The following YES1 variants were observed in gnomAD, a reference collection of about 807,000 sequenced individuals.
YES1 encodes the protein YES proto-oncogene 1, Src family tyrosine kinase.
Under a neutral mutation model 70.4 loss-of-function variants are expected in YES1, and 39 were observed. The observed-to-expected ratio is 0.55, with a 90% CI of 0.43 to 0.72. The LOEUF (loss-of-function observed/expected upper bound fraction) is 0.72, where lower values mean the gene tolerates loss of function less well. Ranked by LOEUF, YES1 falls within the 30% of genes least tolerant of loss-of-function variation. YES1 has a pLI of 0.00. For synonymous variants in YES1, 198 were observed against 218.6 expected (o/e 0.91, Z 0.83); for missense variants, 495 against 644.8 (o/e 0.77, Z 2.52).
intron 1 of YES1, among the ~76,000 whole-genome samples, chr18:766,727 G>GT (rs1568205706): frequency 6.6e-6 from 1 of 151,966 alleles, no homozygotes; most frequent in Non-Finnish European, 1.5e-5. Context: ...CTTTGGTGAC[G>GT]TGACTGTTCA....
intron 1 of YES1, among the ~76,000 whole-genome samples, chr18:781,784 A>C (rs190380725): frequency 3.6e-4 from 55 of 152,214 alleles, no homozygotes; most frequent in African/African-American, 2.6e-4. Flanking sequence ...TGGAGGAATA[A>C]TACCTATCTT....
chr18:780,306 G>A (rs1905594876), intron 1 of YES1, among the ~76,000 whole-genome samples: 1 of 151,944 alleles, frequency 6.6e-6, no homozygotes, highest in Admixed American at 6.6e-5. Context: ...GAGGTGATTG[G>A]ATCATGAGGA....
At chr18:732,429 T>A (rs2080101775) in intron 11 of YES1, among the ~76,000 whole-genome samples, 1 of 117,570 alleles carries the variant, frequency 8.5e-6, no homozygotes, top group African/African-American at 3.5e-5. Context: ...AGAGCAAGAC[T>A]GTGTTTAAAA....
chr18:811,175 C>A (rs943776664), intron 1 of YES1, among the ~76,000 whole-genome samples: 1 of 152,120 alleles, frequency 6.6e-6, no homozygotes, highest in African/African-American at 2.4e-5. Flanking sequence ...AAACACACAC[C>A]CGTGGAACGT....
intron 11 of YES1, among the ~76,000 whole-genome samples, chr18:731,441 G>T (rs1293466949): frequency 1.3e-5 from 2 of 152,120 alleles, no homozygotes; most frequent in Non-Finnish European, 2.9e-5. Flanking sequence ...AAATTTGATG[G>T]CATTAGATCT....
intron 11 of YES1, among the ~76,000 whole-genome samples, chr18:725,504 T>TA (rs1016664808): frequency 4.8e-4 from 73 of 152,182 alleles, no homozygotes; most frequent in African/African-American, 1.7e-3. Flanking sequence ...TTTAAACTAT[T>TA]AAAAAAAACT....
At chr18:744,197 G>T (rs1251299106) in intron 6 of YES1, among the ~76,000 whole-genome samples, 1 of 151,738 alleles carries the variant, frequency 6.6e-6, no homozygotes. Context: ...CTAAGGCCCT[G>T]CAGTTAGTAA....
intron 10 of YES1, among the ~76,000 whole-genome samples, chr18:734,609 T>C (rs1443269838): frequency 6.6e-6 from 1 of 151,452 alleles, no homozygotes; most frequent in Non-Finnish European, 1.5e-5. Flanking sequence ...ACAACATCAC[T>C]AATCATCAGG....
In YES1 at chr18:770,930, G is replaced by A. The variant is rs563911902; in HGVS notation, c.-8-14095C>T. ...GAAGGCTGAGGTGGGAGAACAGCTT[G>A]AGGGCAGTGACTGTTAGGCAGTGAC... On this transcript the variant is annotated intron_variant, in intron 1 of 11. Transcript: ENST00000314574. 1.4e-4 allele frequency among the ~76,000 whole-genome samples: 22 copies of A among 151,890 alleles called. No homozygotes were observed. The South Asian group carries it at 2.3e-3, about 16-fold the overall frequency.
chr18:802,698 C>T (rs956298372), intron 1 of YES1, among the ~76,000 whole-genome samples: 3 of 152,182 alleles, frequency 2.0e-5, no homozygotes, highest in Admixed American at 6.5e-5. Context: ...TTGTAGTCAG[C>T]CCTAGGTTTA....
chr18:745,711 T>C lies in YES1; in HGVS notation c.721A>G (p.Thr241Ala), dbSNP rs530952013. The change falls in exon 6 of 12, where the codon ACA (threonine) becomes GCA (alanine). Residue 241 changes from threonine (T) to alanine (A), a missense_variant. Physicochemically the swap from Thr to Ala is moderately conservative, Grantham distance 58. This residue lies in a region of YES1 where 385 missense variants were observed against 540.9 expected (regional missense o/e 0.71). Transcript: ENST00000314574. Reference protein sequence around the residue: ...DTLQKLVKHYTEHADGLCHKL... With the variant: ...DTLQKLVKHYAEHADGLCHKL... The stretch of plus-strand genomic sequence containing the variant: ...TACCTTTGAAATATTCACATACCTG[T>C]GTAGTGTTTCACCAATTTCTGCAGA... 56 of 1,608,388 alleles carry C rather than the reference T, an allele frequency of 3.5e-5. No individual in the cohort carries two copies. Among genetic ancestry groups the C allele is most frequent in the South Asian group, 2.4e-4 (21 of 89,286 alleles).
At chr18:807,954 T>C (rs1324446020) in intron 1 of YES1, among the ~76,000 whole-genome samples, 3 of 152,186 alleles carry the variant, frequency 2.0e-5, no homozygotes, top group Admixed American at 6.5e-5. Flanking sequence ...CAGCTTACTG[T>C]ACATTTGAAC....
chr18:768,904 T>C lies in YES1; in HGVS notation c.-8-12069A>G, dbSNP rs558279954. Among the ~76,000 whole-genome samples the C allele has an allele frequency of 1.4e-4, 22 of 152,256 alleles. No individual in the cohort carries two copies. In the South Asian group the frequency reaches 2.3e-3, roughly 16 times the overall value. ...TTTTAGTAGAGACAGGGTTTCCCCATGTTGGCTGGGCTGGTCTTGAACTCC... is the reference window on the plus strand; with the variant it reads ...TTTTAGTAGAGACAGGGTTTCCCCACGTTGGCTGGGCTGGTCTTGAACTCC... On this transcript the variant is annotated intron_variant, in intron 1 of 11. Transcript: ENST00000314574.
Position 746,595 on chromosome 18 carries a change from T to C in YES1, c.471-544A>G, listed in dbSNP as rs1046758059. Among the ~76,000 whole-genome samples, 4 of 152,274 alleles carry C rather than the reference T, an allele frequency of 2.6e-5. No homozygotes were observed. In the South Asian group the frequency reaches 6.2e-4, roughly 24 times the overall value. Reference sequence around the variant, plus strand: ...ACAAAACAAAAAGTAAGAAGCACCATAGTAGAACAAAGAGTTATTGAGACA... The same window carrying C: ...ACAAAACAAAAAGTAAGAAGCACCACAGTAGAACAAAGAGTTATTGAGACA... On this transcript the variant is annotated intron_variant, in intron 4 of 11. Transcript: ENST00000314574.
intron 3 of YES1, among the ~76,000 whole-genome samples, chr18:750,781 T>C (rs1382849961): frequency 6.6e-6 from 1 of 152,018 alleles, no homozygotes; most frequent in Non-Finnish European, 1.5e-5. Context: ...ATTAACTATA[T>C]TTTGAAGGGT....
intron 1 of YES1, among the ~76,000 whole-genome samples, chr18:792,600 C>CAT (rs1211805753): frequency 1.2e-4 from 18 of 147,758 alleles, no homozygotes; most frequent in South Asian, 2.1e-4. Flanking sequence ...TACATATATA[C>CAT]ATATATATAC....
chr18:733,782 CAAAAAAAAAAAAAAA>C (rs71174280), intron 10 of YES1, among the ~76,000 whole-genome samples: 13 of 59,250 alleles, frequency 2.2e-4, no homozygotes, highest in Admixed American at 1.6e-3. Flanking sequence ...GACTCCGTCT[CAAAAAAAAAAAAAAA>C]AAAAAAAAAA....
chr18:770,219 A>G (rs915067496), intron 1 of YES1, among the ~76,000 whole-genome samples: 5 of 151,068 alleles, frequency 3.3e-5, no homozygotes, highest in African/African-American at 4.9e-5. Flanking sequence ...CGGCCTCCCA[A>G]AGTGCTGGGA....
intron 11 of YES1, among the ~76,000 whole-genome samples, chr18:729,159 G>A (rs12970623): frequency 0.46 from 69,289 of 151,822 alleles, 15,999 homozygotes; most frequent in African/African-American, 0.53. Context: ...GCATTACCTT[G>A]GATACTTTGT....
Sources: allele counts gnomAD v4.1 joint callset (sites outside exome capture counted in the v4.1 genomes callset), GRCh38; gene constraint gnomAD v4.1.1; regional missense constraint gnomAD v4.1.1; transcripts MANE v1.5; gene names NCBI Gene and HGNC (gene_info 2026-07-23, HGNC 2026-07-21).